Variants in WDR90 observed in about 807,000 individuals in gnomAD.
WDR90 encodes the protein WD repeat-containing protein 90.
In WDR90, 238 loss-of-function variants were observed where a neutral mutation model predicts 195.2. The observed-to-expected ratio is 1.22, with a 90% CI of 1.10 to 1.36. The LOEUF is 1.36. Ranked by LOEUF, WDR90 falls within the 40% of genes most tolerant of loss-of-function variation. The pLI is 0.00. For missense variants in WDR90, 2,734 were observed against 2,439.5 expected (o/e 1.12, Z -2.54); for synonymous variants, 1,265 against 1,052.4 (o/e 1.20, Z -3.91).
Position 662,020 on chromosome 16 carries a change from C to G in WDR90, c.3994C>G (p.Arg1332Gly). Reference protein sequence around the residue: ...QVCVWDTRAGRCFLSWEADDG... With the variant: ...QVCVWDTRAGGCFLSWEADDG... ...CTGTGTCTGGGACACGCGTGCCGGC[C>G]GCTGCTTCTTGTCCTGGGAGGCGGA... Residue 1332 changes from arginine to glycine, a missense_variant, in exon 32 of 41, where the codon CGC (arginine) becomes GGC (glycine). Transcript: ENST00000293879. 4 of 1,603,256 alleles carry G rather than the reference C, an allele frequency of 2.5e-6. No homozygotes were observed. The highest frequency in any genetic ancestry group is 3.4e-6 in the Non-Finnish European group (4 of 1,179,852).
rs1370709227 is a variant in WDR90 at position 661,089 on chromosome 16, G to A, written c.3430G>A (p.Glu1144Lys). The change falls in exon 29 of 41, where the codon GAG becomes AAG. Residue 1144 changes from glutamate (E) to lysine (K), a missense_variant. Transcript: ENST00000293879. ...AYTCGRLVVV[E>K]DLHSGAQQHW... Reference sequence around the variant, plus strand: ...CACGTGCGGCCGCCTGGTGGTGGTGGAGGACCTGCACTCTGGCGCCCAGCA... The same window carrying A: ...CACGTGCGGCCGCCTGGTGGTGGTGAAGGACCTGCACTCTGGCGCCCAGCA... 3 of 1,493,056 alleles carry A rather than the reference G, an allele frequency of 2.0e-6. No homozygotes were observed. Among genetic ancestry groups the A allele is most frequent in the Non-Finnish European group, 1.8e-6 (2 of 1,138,550 alleles). 92.5% of individuals were successfully genotyped at this position (1,493,056 alleles called of 1,614,324 possible). A position where few individuals can be genotyped will look rare whatever the true frequency, so the allele number is the denominator to read the frequency against.
chr16:662,413 C>T (rs2151332993), intron 33 of WDR90, 82 bp downstream of exon 33: 1 of 1,482,796 alleles, frequency 6.7e-7, no homozygotes, highest in African/African-American at 1.4e-5. Context: ...TGCCCCGCCC[C>T]CGCAAAGGCC....
intron 10 of WDR90, among the ~76,000 whole-genome samples, chr16:653,019 C>T (rs1474160991): frequency 6.6e-6 from 1 of 152,210 alleles, no homozygotes; most frequent in African/African-American, 2.4e-5. Flanking sequence ...TGTTTGGGGG[C>T]CCTTTGGCCT....
chr16:666,385 T>G, intron 37 of WDR90, 35 bp downstream of exon 37: 1 of 1,611,016 alleles, frequency 6.2e-7, no homozygotes, highest in South Asian at 1.1e-5. Flanking sequence ...AGAGGGGGCC[T>G]GGGTGCTGGT....
In WDR90 at chr16:666,934, T is replaced by C. The variant is rs2038089669; in HGVS notation, c.5034T>C (p.Phe1678=). ...QVVEKIPLPF[F]AMSLSLSPGT... ...TGGAGAAGATACCACTGCCCTTTTT[T>C]GCCATGTCCCTGAGCCTGTCCCCCG... The change falls in exon 40 of 41, where the codon TTT becomes TTC. Residue 1678 remains phenylalanine (F), a synonymous_variant. Coordinates refer to ENST00000293879, the MANE Select transcript of WDR90 (RefSeq NM_145294.5). 1 of 1,613,042 alleles carries C rather than the reference T, an allele frequency of 6.2e-7. No individual in the cohort carries two copies. Among genetic ancestry groups the C allele is most frequent in the Non-Finnish European group, 8.5e-7 (1 of 1,179,712 alleles).
In WDR90 at chr16:666,958, C is replaced by G; in HGVS notation, c.5058C>G (p.Pro1686=). 6.2e-7 allele frequency: 1 copy of G among 1,610,696 alleles called. No homozygotes were observed. ...PFFAMSLSLS[P]GTHLLAVGFA... The stretch of plus-strand genomic sequence containing the variant: ...TTGCCATGTCCCTGAGCCTGTCCCC[C>G]GGGACCCACCTCCTGGCTGTTGGCT... The change falls in exon 40 of 41, where the codon CCC becomes CCG. Residue 1686 remains proline, a synonymous_variant. Transcript: ENST00000293879.
In WDR90 at chr16:650,101, C is replaced by T. The variant is rs955319961; in HGVS notation, c.213C>T (p.Tyr71=). The T allele has an allele frequency of 1.2e-5, 20 of 1,612,984 alleles. No individual in the cohort carries two copies. The highest frequency in any genetic ancestry group is 1.7e-5 in the Admixed American group (1 of 60,012). Residue 71 remains tyrosine (Y), a synonymous_variant, in exon 3 of 41, where the codon TAC becomes TAT. Transcript: ENST00000293879. Reference sequence around the variant, plus strand: ...AGTCTCTGGGGCTGACGGGACGATACCTGTATGTGCTCTTTCGGCCCCTGC... The same window carrying T: ...AGTCTCTGGGGCTGACGGGACGATATCTGTATGTGCTCTTTCGGCCCCTGC... The part of the protein sequence containing the change: ...STQSLGLTGR[Y]LYVLFRPLPS...
intron 34 of WDR90, chr16:665,467 T>C (rs1414843490): frequency 4.3e-6 from 3 of 696,030 alleles, no homozygotes; most frequent in South Asian, 3.6e-5. Context: ...GACTGGCTAG[T>C]GGGCTTGCTT....
Position 652,499 on chromosome 16 carries a change from G to A in WDR90, c.1086G>A (p.Lys362=). ...TCCCAGACCCAGTCCTGAGGCTCAA[G>A]GGCGTCATCGGCTTTGGGGGCCACG... The part of the protein sequence containing the change: ...GFLPDPVLRL[K]GVIGFGGHGT... Residue 362 remains lysine (K), a synonymous_variant, in exon 10 of 41, where the codon AAG becomes AAA. Transcript: ENST00000293879. 1 of 1,610,622 alleles carries A rather than the reference G, an allele frequency of 6.2e-7. No individual in the cohort carries two copies.
rs779122099 is a variant in WDR90 at position 655,080 on chromosome 16, G to C, written c.1489G>C (p.Val497Leu). The C allele has an allele frequency of 1.9e-6, 3 of 1,612,772 alleles. No homozygotes were observed. The highest frequency in any genetic ancestry group is 1.7e-6 in the Non-Finnish European group (2 of 1,179,866). The change falls in exon 14 of 41, where the codon GTT becomes CTT. Residue 497 changes from valine to leucine, a missense_variant. Coordinates refer to ENST00000293879, the MANE Select transcript of WDR90 (RefSeq NM_145294.5). ...GGTGGGCCTCGGTGGCGAGGTGGTC[G>C]TTCTGGCAAAGGCGCACACTGACTT... ...GQVGLGGEVV[V>L]LAKAHTDFDV...
rs200342135 is a variant in WDR90 at position 662,045 on chromosome 16, A to T, written c.4019A>T (p.Asp1340Val). The change falls in exon 32 of 41, where the codon GAT (aspartate) becomes GTT (valine). Residue 1340 changes from aspartate to valine, a missense_variant. Asp to Val is a radical substitution (Grantham distance 152). Coordinates refer to ENST00000293879, the MANE Select transcript of WDR90 (RefSeq NM_145294.5). Reference protein sequence around the residue: ...AGRCFLSWEADDGGIGLLLFS... With the variant: ...AGRCFLSWEAVDGGIGLLLFS... ...CGCTGCTTCTTGTCCTGGGAGGCGGATGACGGTGGCATTGGTGAGTGCCCC... is the reference window on the plus strand; with the variant it reads ...CGCTGCTTCTTGTCCTGGGAGGCGGTTGACGGTGGCATTGGTGAGTGCCCC... The T allele has an allele frequency of 1.1e-5, 17 of 1,601,804 alleles. No individual in the cohort carries two copies. The East Asian group carries it at 3.6e-4, about 34-fold the overall frequency.
intron 19 of WDR90, 32 bp from the exon 20 acceptor site, chr16:657,058 CT>C: frequency 6.3e-7 from 1 of 1,592,196 alleles, no homozygotes; most frequent in Non-Finnish European, 8.5e-7. Flanking sequence ...GGCTTCGGGG[CT>C]AGGGCCAGCG....
In WDR90 at chr16:658,907, C is replaced by G; in HGVS notation, c.2907C>G (p.Gly969=). The G allele has an allele frequency of 6.2e-7, 1 of 1,612,106 alleles. No homozygotes were observed. The highest frequency in any genetic ancestry group is 8.5e-7 in the Non-Finnish European group (1 of 1,179,964). ...QASPGPQVYI[G]HSEPVQAVAF... ...GCCGCTACCCCTAGGTGTACATCGG[C>G]CACTCGGAACCCGTGCAGGCTGTGG... Residue 969 remains glycine (G), a synonymous_variant, in exon 24 of 41, where the codon GGC becomes GGG. Transcript: ENST00000293879.
rs3803697 is a variant in WDR90, at chr16:655,360, T to A, written c.1610T>A (p.Val537Glu). ...CGGCTCTGGCGGCTGCGTGGCGGGG[T>A]GCTGCGTTCCTGCCCCGTGGACTTA... ...SVRLWRLRGG[V>E]LRSCPVDLGE... Residue 537 changes from valine to glutamate, a missense_variant, in exon 15 of 41, where the codon GTG becomes GAG. Val to Glu is a moderately radical substitution (Grantham distance 121). Transcript: ENST00000293879. 1.2e-6 allele frequency: 2 copies of A among 1,600,272 alleles called. No homozygotes were observed. Among genetic ancestry groups the A allele is most frequent in the African/African-American group, 2.7e-5 (2 of 74,856 alleles).
chr16:662,390 G>A, intron 33 of WDR90, 59 bp downstream of exon 33: 1 of 1,525,274 alleles, frequency 6.6e-7, no homozygotes, highest in Non-Finnish European at 8.8e-7. Context: ...CCCTGACTGG[G>A]GCTTGCAGCC....
At chr16:649,121 G>C, upstream of WDR90, 1 of 357,812 alleles carries the variant, frequency 2.8e-6, no homozygotes, top group Non-Finnish European at 5.0e-6. Flanking sequence ...TGACAGGTGG[G>C]CGCGGCGGAG....
chr16:661,864 C>T (rs369456521), intron 31 of WDR90, 27 bp from the exon 32 acceptor site: 13 of 1,599,880 alleles, frequency 8.1e-6, no homozygotes, highest in African/African-American at 8.0e-5. Context: ...ACACTGCTGA[C>T]CCATGGCCAC....
rs533290059 is a variant in WDR90, at chr16:650,050, C to T, written c.162C>T (p.Tyr54=). ...GGGGCTCAGTCTCTGCCGCCAACTA[C>T]ATCCAGCTCCCTAAGAGCAGCACCC... is the stretch of plus-strand genomic sequence containing the variant. The part of the protein sequence containing the change: ...RIRGSVSAAN[Y]IQLPKSSTQS... Residue 54 remains tyrosine (Y), a synonymous_variant, in exon 3 of 41, where the codon TAC becomes TAT. Coordinates refer to ENST00000293879, the MANE Select transcript of WDR90 (RefSeq NM_145294.5). 6.2e-7 allele frequency: 1 copy of T among 1,612,878 alleles called. No homozygotes were observed. The highest frequency in any genetic ancestry group is 1.3e-5 in the African/African-American group (1 of 75,074).
Position 652,103 on chromosome 16 carries a change from G to A in WDR90, c.1053+64G>A, listed in dbSNP as rs73487423. On this transcript the variant is annotated intron_variant, in intron 9 of 40. Transcript: ENST00000293879. ...TGTGGGCTGGGGCAGCTGGTAGCCCGCCCCGAGATGCATTCAGAACGGATG... is the reference window on the plus strand; with the variant it reads ...TGTGGGCTGGGGCAGCTGGTAGCCCACCCCGAGATGCATTCAGAACGGATG... 3.5e-3 allele frequency: 5,184 copies of A among 1,486,960 alleles called. 146 individuals carry two copies. The African/African-American group carries it at 0.061, about 18-fold the overall frequency. 92.1% of individuals were successfully genotyped at this position (1,486,960 alleles called of 1,614,324 possible).
Sources: gnomAD v4.1 joint callset for allele counts (sites outside exome capture counted in the v4.1 genomes callset) on GRCh38, gnomAD v4.1.1 for gene constraint, MANE v1.5 for transcripts, NCBI Gene and HGNC (gene_info 2026-07-23, HGNC 2026-07-21) for gene names.